ZW10: variants seen among roughly 807,000 people sequenced by gnomAD.
ZW10 encodes centromere/kinetochore protein zw10 homolog.
A neutral mutation model predicts 87.8 loss-of-function variants in ZW10; 53 were observed. The observed-to-expected ratio is 0.60, with a 90% CI of 0.48 to 0.76. The LOEUF (loss-of-function observed/expected upper bound fraction) is 0.76. Among genes scored for constraint, ZW10 ranks in the 30% least tolerant of loss-of-function variants. ZW10 has a pLI of 0.00. For missense variants in ZW10, 837 were observed against 923.0 expected, an observed-to-expected ratio of 0.91 and a Z score of 1.21; for synonymous variants, 312 against 329.2, an observed-to-expected ratio of 0.95 and a Z score of 0.57.
At chr11:113,746,478 A>C (rs1953676872) in intron 9 of ZW10, among the ~76,000 whole-genome samples, 1 of 146,090 alleles carries the variant, frequency 6.8e-6, no homozygotes, top group Non-Finnish European at 1.5e-5. Context: ...TGGAGATATA[A>C]CAGTAAACAA....
chr11:113,747,478 A>G (rs1953690981), intron 9 of ZW10, 53 bp downstream of exon 9: 8 of 1,479,500 alleles, frequency 5.4e-6, no homozygotes, highest in Non-Finnish European at 7.4e-6. Flanking sequence ...TCTCAAAATG[A>G]GTTGCTTTCT....
chr11:113,770,686 TG>T (rs1205743880), intron 1 of ZW10: 1 of 150,918 alleles, frequency 6.6e-6, no homozygotes, highest in Admixed American at 6.6e-5. Context: ...GTCGCGGTGG[TG>T]GGCGCCTGTA....
intron 9 of ZW10, among the ~76,000 whole-genome samples, chr11:113,746,311 A>G (rs978018641): frequency 2.6e-5 from 4 of 152,226 alleles, no homozygotes; most frequent in African/African-American, 4.8e-5. Context: ...CAAGGTGAGA[A>G]GATTAAGCCC....
chr11:113,738,529 G>C (rs529683154), intron 12 of ZW10, 135 bp from the exon 13 acceptor site: 11 of 810,106 alleles, frequency 1.4e-5, no homozygotes, highest in African/African-American at 1.3e-4. Flanking sequence ...ATATCATAAA[G>C]CTGCCCTAAA....
intron 9 of ZW10, among the ~76,000 whole-genome samples, chr11:113,747,160 G>T (rs17613359): frequency 0.16 from 24,646 of 152,030 alleles, 2,249 homozygotes; most frequent in Non-Finnish European, 0.21. Context: ...ACTTTCATAA[G>T]AGGATATAAT....
chr11:113,740,985 C>T (rs1486966275), intron 11 of ZW10, among the ~76,000 whole-genome samples: 10 of 152,054 alleles, frequency 6.6e-5, no homozygotes, highest in Admixed American at 5.9e-4. Context: ...GAATGTTAAA[C>T]CACAGTAAAG....
At chr11:113,771,919 G>C (rs190099426) in intron 1 of ZW10, among the ~76,000 whole-genome samples, 69 of 152,168 alleles carry the variant, frequency 4.5e-4, no homozygotes, top group African/African-American at 1.5e-3. Context: ...AAATTCCTAC[G>C]TAGTAAAGAT....
intron 1 of ZW10, among the ~76,000 whole-genome samples, chr11:113,772,706 C>T (rs1353774177): frequency 1.3e-5 from 2 of 151,676 alleles, no homozygotes; most frequent in African/African-American, 4.8e-5. Context: ...GAGACGGTGG[C>T]TTACACCTGT....
Position 113,741,766 on chromosome 11 carries a change from C to T in ZW10, c.1512-1G>A. ...CACTGAGTAGAAAAGTTGAACAGCA[C>T]TAAAAAGAAAACATAGACTTAACAG... On this transcript the variant is annotated splice_acceptor_variant, in intron 10 of 15. Coordinates refer to ENST00000200135, the MANE Select transcript of ZW10 (RefSeq NM_004724.4). LOFTEE classifies it high-confidence loss of function. The T allele has an allele frequency of 6.2e-7, 1 of 1,602,334 alleles. No individual in the cohort carries two copies. Among genetic ancestry groups the T allele is most frequent in the Non-Finnish European group, 8.5e-7 (1 of 1,174,368 alleles).
chr11:113,772,954 G>A (rs1416238561), intron 1 of ZW10, among the ~76,000 whole-genome samples: 2 of 151,934 alleles, frequency 1.3e-5, no homozygotes, highest in African/African-American at 2.4e-5. Context: ...TCCAGCCTGG[G>A]CGACAGAGCA....
Position 113,766,698 on chromosome 11 carries a change from A to AAAAT in ZW10, c.240+2134_240+2135insATTT, listed in dbSNP as rs1226578405. Among the ~76,000 whole-genome samples the AAAAT allele has an allele frequency of 1.0e-3, 123 of 119,504 alleles. 4 individuals carry two copies. Among genetic ancestry groups the AAAAT allele is most frequent in the African/African-American group, 3.2e-3 (102 of 31,694 alleles). 78.4% of individuals were successfully genotyped at this position (119,504 alleles called of 152,430 possible). A position where few individuals can be genotyped will look rare whatever the true frequency, so the allele number is the denominator to read the frequency against. The stretch of plus-strand genomic sequence containing the variant: ...CAAAAAAAAAAAAAAAAAAAAAAAA[A>AAAAT]TTAATTTTTAAAAATTAAAAAAAAA... On this transcript the variant is annotated intron_variant, in intron 2 of 15. Coordinates refer to ENST00000200135, the MANE Select transcript of ZW10 (RefSeq NM_004724.4).
At chr11:113,765,785 T>A (rs977442845) in intron 2 of ZW10, among the ~76,000 whole-genome samples, 1 of 152,206 alleles carries the variant, frequency 6.6e-6, no homozygotes, top group Non-Finnish European at 1.5e-5. Context: ...AGGCAATTAC[T>A]GTCTTTAGTT....
intron 7 of ZW10, among the ~76,000 whole-genome samples, chr11:113,750,448 C>T (rs56361490): frequency 0.076 from 11,589 of 152,040 alleles, 598 homozygotes; most frequent in Non-Finnish European, 0.11. Context: ...GGATTACAGG[C>T]GCCCGCCACC....
intron 2 of ZW10, among the ~76,000 whole-genome samples, chr11:113,764,752 CG>C (rs967354235): frequency 6.6e-6 from 1 of 152,164 alleles, no homozygotes; most frequent in African/African-American, 2.4e-5. Context: ...GGTCTGTGGT[CG>C]ACTGAAATGT....
chr11:113,754,011 T>C (rs572052072), intron 7 of ZW10, among the ~76,000 whole-genome samples: 15 of 152,348 alleles, frequency 9.8e-5, no homozygotes, highest in African/African-American at 3.1e-4. Context: ...TACTAAACAA[T>C]AGATTTTTAG....
rs1005434782 is a variant in ZW10 at position 113,758,558 on chromosome 11, T to C, written c.729A>G (p.Ser243=). The C allele has an allele frequency of 6.2e-7, 1 of 1,613,130 alleles. No homozygotes were observed. Among genetic ancestry groups the C allele is most frequent in the East Asian group, 2.2e-5 (1 of 44,854 alleles). Residue 243 remains serine (S), a synonymous_variant, in exon 6 of 16, where the codon TCA becomes TCG. Transcript: ENST00000200135. ...VLGELHSKLK[S]FGQMLLKYIL... Reference sequence around the variant, plus strand: ...AAACAAAGTAGCATGCCTTACCAAATGATTTAAGCTTGCTGTGTAGTTCTC... The same window carrying C: ...AAACAAAGTAGCATGCCTTACCAAACGATTTAAGCTTGCTGTGTAGTTCTC...
chr11:113,751,566 A>T (rs893957060), intron 7 of ZW10, among the ~76,000 whole-genome samples: 1 of 152,138 alleles, frequency 6.6e-6, no homozygotes, highest in Non-Finnish European at 1.5e-5. Flanking sequence ...AAAAATTCAG[A>T]TTTATTGGAA....
At chr11:113,736,517 A>G in intron 15 of ZW10, 103 bp downstream of exon 15, 1 of 1,186,792 alleles carries the variant, frequency 8.4e-7, no homozygotes, top group South Asian at 1.3e-5. Context: ...AAAGTCTTGC[A>G]TGACTAACAT....
chr11:113,744,354 G>C (rs1953658392), intron 9 of ZW10, among the ~76,000 whole-genome samples: 1 of 152,076 alleles, frequency 6.6e-6, no homozygotes, highest in Middle Eastern at 3.2e-3. Context: ...AGTGAGCTGA[G>C]ATCATGCCAC....
Sources: gnomAD v4.1 joint callset for allele counts (sites outside exome capture counted in the v4.1 genomes callset) on GRCh38, gnomAD v4.1.1 for gene constraint, MANE v1.5 for transcripts, NCBI Gene and HGNC (gene_info 2026-07-23, HGNC 2026-07-21) for gene names.